SDK1: variants seen among roughly 807,000 people sequenced by gnomAD.
SDK1 encodes the protein protein sidekick-1.
In SDK1, 157 loss-of-function variants were observed where a neutral mutation model predicts 245.5. The ratio of observed to expected loss-of-function variants is 0.64; its 90% CI spans 0.56 to 0.73. The LOEUF (loss-of-function observed/expected upper bound fraction) is 0.73, where lower values mean the gene tolerates loss of function less well. SDK1 is among the 30% of genes least tolerant of loss of function. SDK1 has a pLI of 0.00. For synonymous variants in SDK1, 1,647 were observed against 1,278.5 expected, an observed-to-expected ratio of 1.29 and a Z score of -6.15; for missense variants, 3,583 against 3,002.3, an observed-to-expected ratio of 1.19 and a Z score of -4.52.
At chr7:3,583,465 ATG>A (rs888353796) in intron 1 of SDK1, among the ~76,000 whole-genome samples, 1 of 152,196 alleles carries the variant, frequency 6.6e-6, no homozygotes, top group Non-Finnish European at 1.5e-5. Flanking sequence ...CGCTGGAAAT[ATG>A]TGAGGAGCTA....
chr7:3,877,437 C>T (rs1247902472), intron 5 of SDK1, among the ~76,000 whole-genome samples: 1 of 152,198 alleles, frequency 6.6e-6, no homozygotes, highest in Non-Finnish European at 1.5e-5. Context: ...CGTGTTCCCT[C>T]TCCACCCCAC....
intron 44 of SDK1, among the ~76,000 whole-genome samples, chr7:4,246,282 G>A (rs1427526090): frequency 2.6e-5 from 4 of 152,124 alleles, no homozygotes; most frequent in Admixed American, 6.6e-5. Flanking sequence ...TCAGATGGTC[G>A]CTTTCACGTG....
intron 4 of SDK1, among the ~76,000 whole-genome samples, chr7:3,709,925 G>C (rs1436813579): frequency 6.6e-6 from 1 of 152,166 alleles, no homozygotes; most frequent in Admixed American, 6.5e-5. Context: ...GCTCACAGGA[G>C]CAAAGCACGT....
Position 4,237,659 on chromosome 7 carries a change from C to T in SDK1, c.6005C>T (p.Ala2002Val), listed in dbSNP as rs777817105. The change falls in exon 42 of 45, where the codon GCC (alanine) becomes GTC (valine). Residue 2002 changes from alanine to valine, a missense_variant. Coordinates refer to ENST00000404826, the MANE Select transcript of SDK1 (RefSeq NM_152744.4). ...PSTAVSAQVE[A>V]PFYEEWWFLL... ...GTCTTTTCCACAGCTCAAGTGGAAG[C>T]CCCATTCTACGAGGAGTGGTGGTTC... 1.2e-6 allele frequency: 2 copies of T among 1,614,108 alleles called. No homozygotes were observed. Among genetic ancestry groups the T allele is most frequent in the East Asian group, 2.2e-5 (1 of 44,880 alleles).
At chr7:4,148,383 A>T (rs1446510513) in intron 29 of SDK1, among the ~76,000 whole-genome samples, 1 of 152,226 alleles carries the variant, frequency 6.6e-6, no homozygotes, top group Non-Finnish European at 1.5e-5. Flanking sequence ...GTGCAGAGGC[A>T]CAGCGGCGGC....
intron 5 of SDK1, among the ~76,000 whole-genome samples, chr7:3,913,706 G>A (rs1450530671): frequency 6.6e-6 from 1 of 152,062 alleles, no homozygotes; most frequent in Admixed American, 6.5e-5. Flanking sequence ...CCTTGAGTAT[G>A]TTCACCAGTG....
In SDK1 at chr7:4,127,457, GC is replaced by G; in HGVS notation, c.3902del (p.Pro1301ArgfsTer82). The G allele has an allele frequency of 6.2e-7, 1 of 1,614,196 alleles. No individual in the cohort carries two copies. Among genetic ancestry groups the G allele is most frequent in the Non-Finnish European group, 8.5e-7 (1 of 1,180,016 alleles). ...TQILLTWTSV[P>X]EQDQNGLILG... ...AGATTTTACTGACATGGACATCCGT[GC>G]CGGAACAGGACCAGAATGGGCTCAT... On this transcript the variant is annotated frameshift_variant, in exon 26 of 45. Transcript: ENST00000404826. LOFTEE classifies it high-confidence loss of function.
chr7:4,020,966 T>C (rs1035973225), intron 17 of SDK1, among the ~76,000 whole-genome samples: 3 of 152,210 alleles, frequency 2.0e-5, no homozygotes, highest in African/African-American at 7.2e-5. Context: ...GTTTTTCCAC[T>C]GTGATGAAGA....
At chr7:3,425,956 T>C (rs368360504) in intron 1 of SDK1, among the ~76,000 whole-genome samples, 2 of 152,252 alleles carry the variant, frequency 1.3e-5, no homozygotes, top group African/African-American at 2.4e-5. Flanking sequence ...ATCTACACTA[T>C]CTTCCCCTTC....
intron 1 of SDK1, among the ~76,000 whole-genome samples, chr7:3,548,104 A>G (rs181184568): frequency 1.3e-5 from 2 of 152,284 alleles, no homozygotes; most frequent in Admixed American, 6.5e-5. Context: ...ACTATGTACT[A>G]TAAGTTTCCC....
At chr7:3,793,723 A>C (rs1583419769) in intron 4 of SDK1, among the ~76,000 whole-genome samples, 1 of 151,900 alleles carries the variant, frequency 6.6e-6, no homozygotes, top group South Asian at 2.1e-4. Context: ...GTATAAATGC[A>C]GTGTCCACAT....
At chr7:3,545,540 T>G (rs1412472409) in intron 1 of SDK1, among the ~76,000 whole-genome samples, 1 of 152,214 alleles carries the variant, frequency 6.6e-6, no homozygotes, top group Non-Finnish European at 1.5e-5. Flanking sequence ...CCTACTGAAA[T>G]GTGAATGTTT....
At chr7:3,947,830 C>T (rs1308281335) in intron 5 of SDK1, among the ~76,000 whole-genome samples, 6 of 151,868 alleles carry the variant, frequency 4.0e-5, no homozygotes, top group Non-Finnish European at 8.8e-5. Context: ...CTAAAATTGG[C>T]TAAAAACAAG....
In SDK1 at chr7:3,482,646, G is replaced by A. The variant is rs1308459715; in HGVS notation, c.299-136434G>A. 2.6e-5 allele frequency among the ~76,000 whole-genome samples: 4 copies of A among 152,200 alleles called. No homozygotes were observed. In the East Asian group the frequency reaches 7.7e-4, roughly 29 times the overall value. ...CCTGCACATTCCTGCTATCCTACTG[G>A]GGAGGTCCAAAACAACCTCCAGCAA... On this transcript the variant is annotated intron_variant, in intron 1 of 44. Coordinates refer to ENST00000404826, the MANE Select transcript of SDK1 (RefSeq NM_152744.4).
chr7:3,331,703 C>T (rs1252600424), intron 1 of SDK1, among the ~76,000 whole-genome samples: 2 of 152,036 alleles, frequency 1.3e-5, no homozygotes, highest in African/African-American at 2.4e-5. Flanking sequence ...GGTGAAACAC[C>T]TTTCCTTTGG....
At chr7:3,398,328 A>C (rs1319580942) in intron 1 of SDK1, among the ~76,000 whole-genome samples, 1 of 152,036 alleles carries the variant, frequency 6.6e-6, no homozygotes, top group African/African-American at 2.4e-5. Flanking sequence ...TGTTGCGGAG[A>C]GGAAACATTC....
chr7:4,147,806 C>G (rs539399436), intron 29 of SDK1, among the ~76,000 whole-genome samples: 1 of 152,270 alleles, frequency 6.6e-6, no homozygotes, highest in African/African-American at 2.4e-5. Flanking sequence ...GGCTCCCAAG[C>G]AAACGTTTTG....
At chr7:4,170,138 G>A (rs1781748293) in intron 32 of SDK1, among the ~76,000 whole-genome samples, 1 of 152,178 alleles carries the variant, frequency 6.6e-6, no homozygotes, top group Admixed American at 6.5e-5. Flanking sequence ...GAAGAAGGAT[G>A]CCTTACAGAA....
At chr7:3,826,423 G>A (rs150277383) in intron 5 of SDK1, among the ~76,000 whole-genome samples, 1 of 152,090 alleles carries the variant, frequency 6.6e-6, no homozygotes, top group Admixed American at 6.6e-5. Context: ...ATGACATCTG[G>A]TTACAGATAA....
Sources: allele counts gnomAD v4.1 joint callset (sites outside exome capture counted in the v4.1 genomes callset), GRCh38; gene constraint gnomAD v4.1.1; transcripts MANE v1.5; gene names NCBI Gene and HGNC (gene_info 2026-07-23, HGNC 2026-07-21).